The following RIMS1 variants were observed in gnomAD, a reference collection of about 807,000 sequenced individuals.
RIMS1 encodes the protein regulating synaptic membrane exocytosis protein 1.
Under a neutral mutation model 214.1 loss-of-function variants are expected in RIMS1, and 83 were observed. That is an observed-to-expected ratio of 0.39 (90% CI 0.32 to 0.47). The LOEUF (loss-of-function observed/expected upper bound fraction) is 0.47. RIMS1 is among the 20% of genes least tolerant of loss of function. The pLI, the probability that RIMS1 is intolerant of heterozygous loss-of-function variation, is 0.99. For missense variants in RIMS1, 2,050 were observed against 2,161.8 expected, an observed-to-expected ratio of 0.95 and a Z score of 1.03; for synonymous variants, 793 against 786.8, an observed-to-expected ratio of 1.01 and a Z score of -0.13.
At chr6:72,328,700 G>A (rs998405718) in intron 28 of RIMS1, among the ~76,000 whole-genome samples, 2 of 151,474 alleles carry the variant, frequency 1.3e-5, no homozygotes, top group Non-Finnish European at 3.0e-5. Context: ...ACAGCTATAG[G>A]GTTAAAATTA....
chr6:72,094,273 G>C (rs189709045), intron 2 of RIMS1, among the ~76,000 whole-genome samples: 2 of 152,200 alleles, frequency 1.3e-5, no homozygotes, highest in South Asian at 4.1e-4. Flanking sequence ...GTAGAAGAGA[G>C]GTGTTATGTA....
intron 4 of RIMS1, among the ~76,000 whole-genome samples, chr6:72,168,520 G>C (rs938096257): frequency 6.6e-6 from 1 of 152,110 alleles, no homozygotes; most frequent in Non-Finnish European, 1.5e-5. Context: ...GCTAGCACTT[G>C]GGAGGGGAAC....
intron 2 of RIMS1, among the ~76,000 whole-genome samples, chr6:71,996,801 C>T (rs535807): frequency 0.36 from 54,126 of 151,908 alleles, 10,463 homozygotes; most frequent in South Asian, 0.47. Flanking sequence ...GGAGCATTTC[C>T]TGGGGAAAAA....
chr6:72,008,466 C>A (rs1183904125), intron 2 of RIMS1, among the ~76,000 whole-genome samples: 1 of 152,182 alleles, frequency 6.6e-6, no homozygotes, highest in Non-Finnish European at 1.5e-5. Context: ...CAAATTCACA[C>A]ATAACAATAT....
At chr6:72,212,852 C>A (rs2054064949) in intron 6 of RIMS1, 2 of 1,118,194 alleles carry the variant, frequency 1.8e-6, no homozygotes, top group East Asian at 5.3e-5. Context: ...CCCACCGAAG[C>A]TTGTCTACAG....
intron 4 of RIMS1, among the ~76,000 whole-genome samples, chr6:72,106,877 A>G (rs2034855364): frequency 6.6e-6 from 1 of 152,190 alleles, no homozygotes; most frequent in African/African-American, 2.4e-5. Flanking sequence ...TGTATATGAG[A>G]TTTATGCGTC....
At chr6:72,259,393 A>G (rs1483986550) in intron 18 of RIMS1, among the ~76,000 whole-genome samples, 1 of 152,170 alleles carries the variant, frequency 6.6e-6, no homozygotes, top group Admixed American at 6.6e-5. Flanking sequence ...GACCTAAATT[A>G]TAGAAGGGAG....
chr6:72,151,204 G>A (rs925749701), intron 4 of RIMS1, among the ~76,000 whole-genome samples: 4 of 151,906 alleles, frequency 2.6e-5, no homozygotes, highest in Admixed American at 6.6e-5. Context: ...CACCATGCCT[G>A]GCTAATTTTT....
intron 6 of RIMS1, among the ~76,000 whole-genome samples, chr6:72,198,326 A>AT (rs1313900320): frequency 1.2e-5 from 1 of 84,916 alleles, no homozygotes; most frequent in Non-Finnish European, 2.3e-5. Flanking sequence ...GGAGGTTATT[A>AT]TGAAATAATA....
At chr6:72,000,917 T>A (rs1026986605) in intron 2 of RIMS1, among the ~76,000 whole-genome samples, 3 of 152,194 alleles carry the variant, frequency 2.0e-5, no homozygotes, top group Non-Finnish European at 4.4e-5. Context: ...AATTTTTTTT[T>A]AACTACTATT....
At chr6:71,995,044 T>C (rs777248876) in intron 2 of RIMS1, among the ~76,000 whole-genome samples, 4 of 152,114 alleles carry the variant, frequency 2.6e-5, no homozygotes, top group Non-Finnish European at 4.4e-5. Flanking sequence ...TAAGCTAGCA[T>C]CACAGAATTC....
intron 19 of RIMS1, chr6:72,261,938 G>C: frequency 1.0e-6 from 1 of 984,378 alleles, no homozygotes; most frequent in Non-Finnish European, 1.2e-6. Context: ...AACTATCCAG[G>C]TTTATTATTA....
At chr6:72,384,489 T>A (rs768850391) in intron 29 of RIMS1, among the ~76,000 whole-genome samples, 26 of 152,182 alleles carry the variant, frequency 1.7e-4, no homozygotes, top group Non-Finnish European at 3.4e-4. Context: ...TAATCAACAT[T>A]ATTTTTTTAG....
chr6:71,888,478 G>A (rs766480750), intron 1 of RIMS1, among the ~76,000 whole-genome samples: 29 of 152,168 alleles, frequency 1.9e-4, no homozygotes, highest in Non-Finnish European at 2.8e-4. Flanking sequence ...CATTCTGCAT[G>A]GCCTCTCCCC....
intron 6 of RIMS1, among the ~76,000 whole-genome samples, chr6:72,196,961 T>A (rs2153987225): frequency 6.6e-6 from 1 of 152,192 alleles, no homozygotes; most frequent in South Asian, 2.1e-4. Flanking sequence ...CACTTTTACA[T>A]CACTCTTCTT....
intron 29 of RIMS1, among the ~76,000 whole-genome samples, chr6:72,346,710 G>A (rs1254934197): frequency 1.3e-5 from 2 of 151,352 alleles, no homozygotes; most frequent in Admixed American, 6.6e-5. Flanking sequence ...TTTTTAAATG[G>A]TTTAAAAAAA....
intron 4 of RIMS1, among the ~76,000 whole-genome samples, chr6:72,132,275 CAGG>C (rs1455952401): frequency 6.6e-6 from 1 of 152,112 alleles, no homozygotes. Flanking sequence ...GCAGTAAAGA[CAGG>C]CATAAGAAAT....
At chr6:72,169,162 G>A (rs889597077) in intron 4 of RIMS1, among the ~76,000 whole-genome samples, 2 of 151,848 alleles carry the variant, frequency 1.3e-5, no homozygotes, top group Non-Finnish European at 2.9e-5. Context: ...TATAGTGCAA[G>A]GTATTCTTTT....
intron 27 of RIMS1, among the ~76,000 whole-genome samples, chr6:72,308,742 C>G (rs987831292): frequency 1.3e-5 from 2 of 152,140 alleles, no homozygotes; most frequent in African/African-American, 4.8e-5. Flanking sequence ...TGATGCTCAA[C>G]TCCCTAAGAG....
Sources: gnomAD v4.1 joint callset for allele counts (sites outside exome capture counted in the v4.1 genomes callset) on GRCh38, gnomAD v4.1.1 for gene constraint, MANE v1.5 for transcripts, NCBI Gene and HGNC (gene_info 2026-07-23, HGNC 2026-07-21) for gene names.